Variants in LARGE1 observed in about 807,000 individuals in gnomAD.
The protein encoded by LARGE1 is LARGE xylosyl- and glucuronyltransferase 1.
Under a neutral mutation model 87.6 loss-of-function variants are expected in LARGE1, and 43 were observed. The observed-to-expected ratio is 0.49, with a 90% CI of 0.38 to 0.63. The LOEUF (loss-of-function observed/expected upper bound fraction) is 0.63, where lower values mean the gene tolerates loss of function less well. LARGE1 is among the 30% of genes least tolerant of loss of function. The pLI is 0.00. For synonymous variants in LARGE1, 434 were observed against 394.6 expected, an observed-to-expected ratio of 1.10 and a Z score of -1.18; for missense variants, 802 against 1,000.2, an observed-to-expected ratio of 0.80 and a Z score of 2.67.
intron 2 of LARGE1, among the ~76,000 whole-genome samples, chr22:33,712,358 C>G (rs933654164): frequency 6.6e-6 from 1 of 152,142 alleles, no homozygotes; most frequent in African/African-American, 2.4e-5. Context: ...ATCTAAACAG[C>G]CTTCAGGCAG....
At chr22:33,332,780 C>A (rs1334599297) in intron 10 of LARGE1, among the ~76,000 whole-genome samples, 1 of 152,202 alleles carries the variant, frequency 6.6e-6, no homozygotes, top group African/African-American at 2.4e-5. Context: ...GCAATGTTTA[C>A]AGACTCTCTC....
intron 6 of LARGE1, among the ~76,000 whole-genome samples, chr22:33,501,251 T>C (rs983248045): frequency 1.3e-5 from 2 of 152,194 alleles, no homozygotes; most frequent in Admixed American, 6.5e-5. Flanking sequence ...AAGTTTATTA[T>C]GTATACTTCA....
chr22:33,212,231 G>C (rs1240726875), intron 11 of LARGE1, among the ~76,000 whole-genome samples: 3 of 152,224 alleles, frequency 2.0e-5, no homozygotes, highest in Middle Eastern at 3.4e-3. Flanking sequence ...CAAAGGACAG[G>C]CTGCCTCTCT....
intron 5 of LARGE1, 30 bp downstream of exon 5, chr22:33,604,405 T>C (rs749706628): frequency 1.1e-5 from 17 of 1,613,614 alleles, no homozygotes. Flanking sequence ...CTAGAGGAGA[T>C]CACGGAAGTG....
intron 2 of LARGE1, among the ~76,000 whole-genome samples, chr22:33,657,777 A>C (rs770662356): frequency 8.5e-5 from 13 of 152,174 alleles, no homozygotes; most frequent in Admixed American, 1.3e-4. Context: ...TAATGCACAA[A>C]AACAACTCTA....
At chr22:33,902,412 C>G (rs115698876) in intron 1 of LARGE1, among the ~76,000 whole-genome samples, 1 of 152,156 alleles carries the variant, frequency 6.6e-6, no homozygotes, top group Non-Finnish European at 1.5e-5. Context: ...CTCAGAGTAT[C>G]GCAGAGAAGC....
At chr22:33,850,131 TA>T (rs1409311968) in intron 1 of LARGE1, among the ~76,000 whole-genome samples, 1 of 152,106 alleles carries the variant, frequency 6.6e-6, no homozygotes. Context: ...CAACCACTCA[TA>T]TTTAAACCCA....
chr22:33,507,127 T>C (rs929567068), intron 6 of LARGE1, among the ~76,000 whole-genome samples: 3 of 152,112 alleles, frequency 2.0e-5, no homozygotes, highest in African/African-American at 7.2e-5. Context: ...ACAGTGATAG[T>C]CAAGGGAAGC....
chr22:33,740,329 T>C (rs1811749131), intron 2 of LARGE1, among the ~76,000 whole-genome samples: 4 of 152,210 alleles, frequency 2.6e-5, no homozygotes, highest in Non-Finnish European at 5.9e-5. Context: ...GTATGCTAAA[T>C]GGCAATAGTG....
At position 33,290,345 on chromosome 22, in the gene LARGE1, G is replaced by C. The variant is rs146192992; in HGVS notation, c.1731-6997C>G. Among the ~76,000 whole-genome samples, 235 of 152,256 alleles carry C rather than the reference G, an allele frequency of 1.5e-3. 6 individuals carry two copies. The highest frequency in any genetic ancestry group is 5.2e-3 in the African/African-American group (216 of 41,540). On this transcript the variant is annotated intron_variant, in intron 12 of 14. Transcript: ENST00000397394. ...ACTTCACCTCCTCGGAGTCACAGTG[G>C]TTCACATTCTAGAGGCAGGCTGCTC...
chr22:33,799,215 G>A (rs913041410), intron 1 of LARGE1, among the ~76,000 whole-genome samples: 1 of 152,036 alleles, frequency 6.6e-6, no homozygotes, highest in African/African-American at 2.4e-5. Context: ...CTGCAATCCC[G>A]TGGGTAGGAT....
chr22:33,310,368 G>C (rs920541678), intron 11 of LARGE1, among the ~76,000 whole-genome samples: 12 of 152,148 alleles, frequency 7.9e-5, no homozygotes, highest in African/African-American at 2.4e-4. Context: ...CCCTGGTGTG[G>C]TGTCAGAAGA....
At chr22:33,241,602 A>G (rs1400336057) in intron 11 of LARGE1, among the ~76,000 whole-genome samples, 1 of 151,902 alleles carries the variant, frequency 6.6e-6, no homozygotes, top group South Asian at 2.1e-4. Context: ...ATATATGTAC[A>G]TATATATGTA....
At chr22:33,556,804 A>T (rs1020004478) in intron 6 of LARGE1, among the ~76,000 whole-genome samples, 1 of 152,056 alleles carries the variant, frequency 6.6e-6, no homozygotes, top group Non-Finnish European at 1.5e-5. Flanking sequence ...TCAGGAGATC[A>T]AGACCAGCGT....
intron 6 of LARGE1, among the ~76,000 whole-genome samples, chr22:33,471,853 C>A (rs1180864202): frequency 6.6e-6 from 1 of 152,120 alleles, no homozygotes; most frequent in African/African-American, 2.4e-5. Flanking sequence ...GCCAAGAGAC[C>A]AGCCTGGCCA....
At position 33,607,729 on chromosome 22, in the gene LARGE1, G is replaced by T. The variant is rs532751167; in HGVS notation, c.492-3171C>A. 8.5e-5 allele frequency among the ~76,000 whole-genome samples: 13 copies of T among 152,124 alleles called. No homozygotes were observed. The South Asian group carries it at 2.7e-3, about 32-fold the overall frequency. The stretch of plus-strand genomic sequence containing the variant: ...AGCCAGTGCTGCTGCTGAATGGGTG[G>T]GTCTAGACCTGAAGAAAGAAATTTC... On this transcript the variant is annotated intron_variant, in intron 4 of 14. Coordinates refer to ENST00000397394, the MANE Select transcript of LARGE1 (RefSeq NM_133642.5).
intron 2 of LARGE1, chr22:33,733,729 A>C (rs781333501): frequency 1.1e-4 from 17 of 152,356 alleles, no homozygotes; most frequent in African/African-American, 3.8e-4. Context: ...AAACCTTGCC[A>C]TCACAGTATA....
the LARGE1 span, chr22:33,105,682 C>T: frequency 7.9e-5 from 12 of 152,334 alleles, no homozygotes; most frequent in Non-Finnish European, 1.3e-4. Context: ...CACTGCACGG[C>T]TGCTCCTTGT....
intron 7 of LARGE1, among the ~76,000 whole-genome samples, chr22:33,394,440 C>T (rs572597406): frequency 6.6e-5 from 10 of 152,198 alleles, no homozygotes; most frequent in South Asian, 2.1e-4. Context: ...CCTCGTAATC[C>T]GCATGCCTCG....
Sources: allele counts gnomAD v4.1 joint callset (sites outside exome capture counted in the v4.1 genomes callset), GRCh38; gene constraint gnomAD v4.1.1; transcripts MANE v1.5; gene names NCBI Gene and HGNC (gene_info 2026-07-23, HGNC 2026-07-21).